Variants in TNIP3 observed in about 807,000 individuals in gnomAD.
The protein encoded by TNIP3 is TNFAIP3 interacting protein 3, also known as TNFAIP3-interacting protein 3.
TNIP3 carries 34 observed loss-of-function variants against 54.1 expected under a neutral mutation model. The ratio of observed to expected loss-of-function variants is 0.63; its 90% CI spans 0.48 to 0.84. The LOEUF (loss-of-function observed/expected upper bound fraction) is 0.84, where lower values mean the gene tolerates loss of function less well. Among genes scored for constraint, TNIP3 ranks in the 40% least tolerant of loss-of-function variants. The pLI, the probability that TNIP3 is intolerant of heterozygous loss-of-function variation, is 0.00. For missense variants in TNIP3, 366 were observed against 387.6 expected, an observed-to-expected ratio of 0.94 and a Z score of 0.47; for synonymous variants, 134 against 136.8, an observed-to-expected ratio of 0.98 and a Z score of 0.14.
At chr4:121,192,164 G>A (rs1725337801) in intron 2 of TNIP3, among the ~76,000 whole-genome samples, 1 of 152,086 alleles carries the variant, frequency 6.6e-6, no homozygotes, top group African/African-American at 2.4e-5. Flanking sequence ...AAGTTCGTGT[G>A]CATACAAAAA....
At position 121,175,470 on chromosome 4, in the gene TNIP3, G is replaced by A. The variant is rs115155923; in HGVS notation, c.189+7206C>T. Among the ~76,000 whole-genome samples, 1,231 of 152,178 alleles carry A rather than the reference G, an allele frequency of 8.1e-3. 14 individuals are homozygous for A. Among genetic ancestry groups the A allele is most frequent in the African/African-American group, 0.029 (1,190 of 41,508 alleles). On this transcript the variant is annotated intron_variant, in intron 3 of 12. Transcript: ENST00000507879. ...CCCCACCAAGCCTCCCAGTGTTGTCGTCTGCTCCCTTGCCCACCCCATTGA... is the reference window on the plus strand; with the variant it reads ...CCCCACCAAGCCTCCCAGTGTTGTCATCTGCTCCCTTGCCCACCCCATTGA...
upstream of TNIP3, chr4:121,216,652 A>T: frequency 7.0e-7 from 1 of 1,426,470 alleles, no homozygotes; most frequent in Non-Finnish European, 9.1e-7. Flanking sequence ...GCCCTGCCAG[A>T]CCTGAGAAGA....
At chr4:121,191,990 G>T (rs1311515942) in intron 2 of TNIP3, among the ~76,000 whole-genome samples, 1 of 152,052 alleles carries the variant, frequency 6.6e-6, no homozygotes, top group Non-Finnish European at 1.5e-5. Flanking sequence ...ATATTTAAGA[G>T]CTGTCTAAAA....
At chr4:121,157,863 T>C (rs1730210936) in intron 3 of TNIP3, among the ~76,000 whole-genome samples, 1 of 152,222 alleles carries the variant, frequency 6.6e-6, no homozygotes, top group East Asian at 1.9e-4. Context: ...GCATTCTCTC[T>C]GGGATCATCA....
chr4:121,154,299 T>C (rs552837736), intron 5 of TNIP3: 1 of 437,720 alleles, frequency 2.3e-6, no homozygotes, highest in South Asian at 2.6e-5. Flanking sequence ...GTTCTTACTG[T>C]CTCTGTAATT....
intron 2 of TNIP3, among the ~76,000 whole-genome samples, chr4:121,201,545 G>A (rs981417684): frequency 2.6e-5 from 4 of 152,180 alleles, no homozygotes; most frequent in African/African-American, 7.2e-5. Context: ...GAGCTAGAAT[G>A]TTTGTAAGAG....
At chr4:121,208,482 C>T (rs1460599986) in intron 2 of TNIP3, among the ~76,000 whole-genome samples, 1 of 152,186 alleles carries the variant, frequency 6.6e-6, no homozygotes, top group East Asian at 1.9e-4. Flanking sequence ...TCCAACCTAA[C>T]CAATCAGCAC....
At chr4:121,226,553 C>T (rs955111308) in intron 1 of TNIP3, among the ~76,000 whole-genome samples, 11 of 152,186 alleles carry the variant, frequency 7.2e-5, no homozygotes, top group Non-Finnish European at 1.2e-4. Flanking sequence ...GGGCATTGAT[C>T]GAGATTCCTA....
intron 2 of TNIP3, among the ~76,000 whole-genome samples, chr4:121,205,740 A>G (rs1401377280): frequency 6.6e-6 from 1 of 152,110 alleles, no homozygotes; most frequent in African/African-American, 2.4e-5. Context: ...GGATGCCTCC[A>G]AGTTCTTTCA....
At chr4:121,194,220 A>C (rs1424879405) in intron 2 of TNIP3, among the ~76,000 whole-genome samples, 1 of 152,166 alleles carries the variant, frequency 6.6e-6, no homozygotes, top group African/African-American at 2.4e-5. Flanking sequence ...TCTTTCTCAC[A>C]AAGCAGACTT....
At chr4:121,211,502 A>AT (rs1294770202) in intron 2 of TNIP3, among the ~76,000 whole-genome samples, 1 of 152,178 alleles carries the variant, frequency 6.6e-6, no homozygotes, top group African/African-American at 2.4e-5. Flanking sequence ...CCAAAGCCAA[A>AT]TTGAATTTTC....
At chr4:121,146,955 A>T in intron 7 of TNIP3, 94 bp downstream of exon 7, 3 of 1,414,064 alleles carry the variant, frequency 2.1e-6, no homozygotes, top group Non-Finnish European at 2.8e-6. Flanking sequence ...AAAAAATTCA[A>T]TGTCAATTAA....
At chr4:121,166,893 C>G (rs559665996), upstream of TNIP3, among the ~76,000 whole-genome samples, 9 of 152,250 alleles carry the variant, frequency 5.9e-5, no homozygotes, top group South Asian at 1.9e-3. Context: ...AAAGATCTAG[C>G]TCTAGAATTA....
chr4:121,208,012 G>T (rs564690124), intron 2 of TNIP3, among the ~76,000 whole-genome samples: 1 of 152,060 alleles, frequency 6.6e-6, no homozygotes, highest in African/African-American at 2.4e-5. Context: ...AGGGGTTTCC[G>T]CTTTTGCATC....
In TNIP3 at chr4:121,157,303, A is replaced by T. The variant is rs921590991; in HGVS notation, c.214-60T>A. On this transcript the variant is annotated intron_variant, in intron 3 of 10. Transcript: ENST00000057513. ...TTCTCTGAAGCTCACAAGCCCCTGGATTTATTCCCAGGCTATGAACTTTGG... is the reference window on the plus strand; with the variant it reads ...TTCTCTGAAGCTCACAAGCCCCTGGTTTTATTCCCAGGCTATGAACTTTGG... 3 of 1,609,026 alleles carry T rather than the reference A, an allele frequency of 1.9e-6. No homozygotes were observed. In the African/African-American group the frequency reaches 4.0e-5, roughly 22 times the overall value.
chr4:121,173,019 G>T (rs999867211), intron 3 of TNIP3, among the ~76,000 whole-genome samples: 1 of 152,212 alleles, frequency 6.6e-6, no homozygotes, highest in Non-Finnish European at 1.5e-5. Context: ...GGACAAAGTT[G>T]AATTTAGAGA....
Position 121,144,443 on chromosome 4 carries a change from C to T in TNIP3, c.736-1667G>A, listed in dbSNP as rs116581149. The stretch of plus-strand genomic sequence containing the variant: ...TTGAGACAGAATCCCACTCTGTTGC[C>T]CAGACTGGAATGCAGTGGCCCAATC... On this transcript the variant is annotated intron_variant, in intron 7 of 10. Coordinates refer to ENST00000057513, the MANE Select transcript of TNIP3 (RefSeq NM_024873.6). Among the ~76,000 whole-genome samples, 889 of 152,146 alleles carry T rather than the reference C, an allele frequency of 5.8e-3. 13 individuals are homozygous for T. The highest frequency in any genetic ancestry group is 0.02 in the African/African-American group (850 of 41,500).
upstream of TNIP3, among the ~76,000 whole-genome samples, chr4:121,220,534 A>G (rs979510856): frequency 6.6e-6 from 1 of 152,204 alleles, no homozygotes; most frequent in African/African-American, 2.4e-5. Context: ...CAAATTTGGT[A>G]ACTTAACCTT....
intron 3 of TNIP3, among the ~76,000 whole-genome samples, chr4:121,169,685 G>T (rs572963287): frequency 2.0e-5 from 3 of 152,234 alleles, no homozygotes; most frequent in South Asian, 4.1e-4. Context: ...GATTAAATGG[G>T]ATCTAAAGAT....
Sources: gnomAD v4.1 joint callset for allele counts (sites outside exome capture counted in the v4.1 genomes callset) on GRCh38, gnomAD v4.1.1 for gene constraint, MANE v1.5 for transcripts, NCBI Gene and HGNC (gene_info 2026-07-23, HGNC 2026-07-21) for gene names.